KIR2DL1: variants seen among roughly 807,000 people sequenced by gnomAD.
KIR2DL1 encodes killer cell immunoglobulin-like receptor 2DL1.
Under a neutral mutation model 33.9 loss-of-function variants are expected in KIR2DL1, and 38 were observed. That is an observed-to-expected ratio of 1.12 (90% CI 0.86 to 1.47). The LOEUF (loss-of-function observed/expected upper bound fraction) is 1.47. Among genes scored for constraint, KIR2DL1 ranks in the 40% most tolerant of loss-of-function variants. The pLI is 0.00. For synonymous variants in KIR2DL1, 179 were observed against 165.9 expected (o/e 1.08, Z -0.61); for missense variants, 531 against 433.9 (o/e 1.22, Z -1.99).
chr19:54,773,667 G>A (rs371305943), intron 3 of KIR2DL1, 35 bp downstream of exon 3: 1 of 1,482,520 alleles, frequency 6.7e-7, no homozygotes, highest in Non-Finnish European at 9.2e-7. Flanking sequence ...CATTGTCATT[G>A]GGATGCAGAG....
At chr19:54,776,871 A>G (rs1215156669) in intron 4 of KIR2DL1, among the ~76,000 whole-genome samples, 1 of 147,190 alleles carries the variant, frequency 6.8e-6, no homozygotes, top group Non-Finnish European at 1.5e-5. Context: ...CAAACTCATG[A>G]CCTCAACTGA....
chr19:54,774,142 C>T (rs1478799294), intron 3 of KIR2DL1, among the ~76,000 whole-genome samples: 2 of 148,676 alleles, frequency 1.3e-5, no homozygotes, highest in Non-Finnish European at 3.0e-5. Context: ...CCCCACAACA[C>T]CAACCCCTGT....
rs1433642617 is a variant in KIR2DL1 at position 54,776,830 on chromosome 19, T to C, written c.664+1372T>C. ...TACTTTTTGGTTTTTTTAGTATAGATGCGGTTTCCCCATGTTGGCTGGGCT... is the reference window on the plus strand; with the variant it reads ...TACTTTTTGGTTTTTTTAGTATAGACGCGGTTTCCCCATGTTGGCTGGGCT... On this transcript the variant is annotated intron_variant, in intron 4 of 7. Transcript: ENST00000336077. 6.2e-5 allele frequency among the ~76,000 whole-genome samples: 9 copies of C among 146,176 alleles called. 1 individual carries two copies. Among genetic ancestry groups the C allele is most frequent in the Admixed American group, 5.5e-4 (8 of 14,434 alleles).
In KIR2DL1 at chr19:54,773,575, A is replaced by G; in HGVS notation, c.313A>G (p.Thr105Ala). Residue 105 changes from threonine to alanine, a missense_variant, in exon 3 of 8, where the codon ACT (threonine) becomes GCT (alanine). Transcript: ENST00000336077. ...AGTYRCYGSV[T>A]HSPYQVSAPS... is the part of the protein sequence containing the mutation. ...GACCTACAGATGCTACGGTTCTGTT[A>G]CTCACTCCCCCTATCAGGTGTCAGC... 1 of 1,525,786 alleles carries G rather than the reference A, an allele frequency of 6.6e-7. No homozygotes were observed. Among genetic ancestry groups the G allele is most frequent in the Non-Finnish European group, 9.0e-7 (1 of 1,115,442 alleles). 94.5% of individuals were successfully genotyped at this position (1,525,786 alleles called of 1,614,324 possible).
At chr19:54,781,525 C>A (rs1336888629) in intron 5 of KIR2DL1, among the ~76,000 whole-genome samples, 1 of 150,322 alleles carries the variant, frequency 6.7e-6, no homozygotes, top group Non-Finnish European at 1.5e-5. Context: ...AACATTAACA[C>A]TCCTTGAAGT....
intron 5 of KIR2DL1, among the ~76,000 whole-genome samples, chr19:54,781,240 A>G (rs2076895710): frequency 7.2e-6 from 1 of 138,070 alleles, no homozygotes; most frequent in African/African-American, 2.6e-5. Flanking sequence ...AGGCACCTGA[A>G]TTCCAATCAT....
At chr19:54,774,562 G>C (rs1209973062) in intron 3 of KIR2DL1, among the ~76,000 whole-genome samples, 1 of 148,034 alleles carries the variant, frequency 6.8e-6, no homozygotes, top group East Asian at 1.9e-4. Context: ...ATAGGTTATA[G>C]ATACATAGAT....
At chr19:54,779,826 A>T (rs2147582339) in intron 5 of KIR2DL1, among the ~76,000 whole-genome samples, 2 of 143,078 alleles carry the variant, frequency 1.4e-5, no homozygotes, top group African/African-American at 5.2e-5. Flanking sequence ...GGGAGGGCAG[A>T]AAATGAACGC....
rs1330626510 is a variant in KIR2DL1 at position 54,778,039 on chromosome 19, T to C, written c.665-573T>C. 5.2e-4 allele frequency among the ~76,000 whole-genome samples: 77 copies of C among 147,828 alleles called. No homozygotes were observed. In the Middle Eastern group the frequency reaches 0.021, roughly 40 times the overall value. On this transcript the variant is annotated intron_variant, in intron 4 of 7. Coordinates refer to ENST00000336077, the MANE Select transcript of KIR2DL1 (RefSeq NM_014218.3). ...ACTTTGGGAGCCCGAGGTGGGTGGATCACCTGAGGCCAGGAGTTCAAGATT... is the reference window on the plus strand; with the variant it reads ...ACTTTGGGAGCCCGAGGTGGGTGGACCACCTGAGGCCAGGAGTTCAAGATT...
intron 1 of KIR2DL1, 137 bp from the exon 2 acceptor site, chr19:54,770,712 G>A: frequency 3.1e-6 from 4 of 1,270,402 alleles, no homozygotes; most frequent in South Asian, 2.3e-5. Flanking sequence ...CTGTTCTTGG[G>A]TGCAGGTAGG....
Position 54,783,916 on chromosome 19 carries a change from T to G in KIR2DL1, c.*103T>G. On this transcript the variant is annotated 3_prime_UTR_variant, in exon 8 of 8. Transcript: ENST00000336077. ...TACCAGCAGCTGGAATCTGAAGGCG[T>G]GAGTCTGCATCTTAGGGCATCGATC... 2.7e-6 allele frequency: 4 copies of G among 1,480,920 alleles called. No homozygotes were observed. The highest frequency in any genetic ancestry group is 2.3e-5 in the East Asian group (1 of 44,244). 91.7% of individuals were successfully genotyped at this position (1,480,920 alleles called of 1,614,324 possible).
intron 4 of KIR2DL1, among the ~76,000 whole-genome samples, chr19:54,775,806 A>G (rs377179291): frequency 2.0e-5 from 3 of 149,002 alleles, no homozygotes; most frequent in East Asian, 1.9e-4. Context: ...ACCCACACAG[A>G]GATGTCATCA....
intron 2 of KIR2DL1, 90 bp from the exon 3 acceptor site, chr19:54,773,243 C>T: frequency 2.9e-6 from 4 of 1,362,942 alleles, no homozygotes; most frequent in Admixed American, 2.1e-5. Flanking sequence ...AGAGATAAGA[C>T]ACCAGGAAGG....
Position 54,775,250 on chromosome 19 carries a change from G to A in KIR2DL1, c.456G>A (p.Arg152=), listed in dbSNP as rs1224347639. 6.2e-7 allele frequency: 1 copy of A among 1,603,046 alleles called. No individual in the cohort carries two copies. The highest frequency in any genetic ancestry group is 1.3e-5 in the African/African-American group (1 of 74,320). ...GENVTLSCSS[R]SSYDMYHLSR... ...ATGTGACCTTGTCCTGCAGCTCCCG[G>A]AGCTCCTATGACATGTACCATCTAT... The change falls in exon 4 of 8, where the codon CGG becomes CGA. Residue 152 remains arginine, a synonymous_variant. Transcript: ENST00000336077.
intron 1 of KIR2DL1, among the ~76,000 whole-genome samples, chr19:54,770,129 GAA>G: frequency 6.8e-6 from 1 of 146,446 alleles, no homozygotes; most frequent in Non-Finnish European, 1.5e-5. Context: ...GTGGAGATAG[GAA>G]CCTGGAGGGG....
At chr19:54,783,261 G>T (rs1196090410) in intron 6 of KIR2DL1, among the ~76,000 whole-genome samples, 2 of 151,772 alleles carry the variant, frequency 1.3e-5, no homozygotes, top group Non-Finnish European at 2.9e-5. Context: ...CCAGGAGAAG[G>T]TTCCATGACA....
At chr19:54,781,965 C>T (rs1326725543) in intron 5 of KIR2DL1, among the ~76,000 whole-genome samples, 4 of 152,034 alleles carry the variant, frequency 2.6e-5, no homozygotes, top group Non-Finnish European at 4.4e-5. Context: ...TATCACTCAC[C>T]GTCACTCCAG....
intron 2 of KIR2DL1, among the ~76,000 whole-genome samples, chr19:54,771,322 AG>A (rs1363579068): frequency 6.7e-6 from 1 of 148,450 alleles, no homozygotes; most frequent in Non-Finnish European, 1.5e-5. Context: ...CCATTCTCAA[AG>A]GACATGCCCT....
chr19:54,776,111 C>T (rs539822218), intron 4 of KIR2DL1, among the ~76,000 whole-genome samples: 2 of 137,186 alleles, frequency 1.5e-5, no homozygotes, highest in African/African-American at 2.7e-5. Flanking sequence ...GAGCTGGTCT[C>T]GAACTCCTGA....
Sources: gnomAD v4.1 joint callset for allele counts (sites outside exome capture counted in the v4.1 genomes callset) on GRCh38, gnomAD v4.1.1 for gene constraint, MANE v1.5 for transcripts, NCBI Gene and HGNC (gene_info 2026-07-23, HGNC 2026-07-21) for gene names.